The following CYLC2 variants were observed in gnomAD, a reference collection of about 807,000 sequenced individuals.
The protein encoded by CYLC2 is cylicin 2.
A neutral mutation model predicts 26.1 loss-of-function variants in CYLC2; 30 were observed. The ratio of observed to expected loss-of-function variants is 1.15; its 90% CI spans 0.86 to 1.56. The LOEUF (loss-of-function observed/expected upper bound fraction) is 1.56, where lower values mean the gene tolerates loss of function less well. CYLC2 is among the 40% of genes most tolerant of loss of function. CYLC2 has a pLI of 0.00. For missense variants in CYLC2, 498 were observed against 394.4 expected, an observed-to-expected ratio of 1.26 and a Z score of -2.23; for synonymous variants, 158 against 132.8, an observed-to-expected ratio of 1.19 and a Z score of -1.31.
chr9:103,005,893 G>T lies in CYLC2; in HGVS notation c.*215G>T, dbSNP rs1332030357. ...AAGAAAAATTAAGGGGGGATCCATTGAAAGACTTGAAGAATACATATACTT... is the reference window on the plus strand; with the variant it reads ...AAGAAAAATTAAGGGGGGATCCATTTAAAGACTTGAAGAATACATATACTT... On this transcript the variant is annotated 3_prime_UTR_variant, in exon 5 of 8. Coordinates refer to ENST00000374798, the MANE Select transcript of CYLC2 (RefSeq NM_001340.5). 9 of 515,564 alleles carry T rather than the reference G, an allele frequency of 1.7e-5. No individual in the cohort carries two copies. The highest frequency in any genetic ancestry group is 2.7e-5 in the Non-Finnish European group (8 of 296,822). The allele number at this position is 515,564 out of a possible 1,614,324, so 31.9% of individuals were successfully genotyped here.
intron 1 of CYLC2, among the ~76,000 whole-genome samples, chr9:102,995,930 T>C (rs1022299567): frequency 1.3e-5 from 2 of 151,854 alleles, no homozygotes; most frequent in African/African-American, 2.4e-5. Flanking sequence ...GTAAAGCATA[T>C]AATCCAGACA....
chr9:102,999,520 A>G (rs1299189012), intron 1 of CYLC2, among the ~76,000 whole-genome samples: 1 of 151,844 alleles, frequency 6.6e-6, no homozygotes, highest in East Asian at 1.9e-4. Context: ...GAATAGATAC[A>G]GTAGGTTTAT....
chr9:103,013,128 T>C (rs1188723016), intron 6 of CYLC2, among the ~76,000 whole-genome samples: 5 of 134,718 alleles, frequency 3.7e-5, no homozygotes, highest in African/African-American at 5.7e-5. Flanking sequence ...TATAAAAATA[T>C]ATATCATATA....
Position 103,002,364 on chromosome 9 carries a change from T to TCC in CYLC2, c.58+746_58+747insCC, listed in dbSNP as rs1564096852. On this transcript the variant is annotated intron_variant, in intron 2 of 7. Coordinates refer to ENST00000374798, the MANE Select transcript of CYLC2 (RefSeq NM_001340.5). Reference sequence around the variant, plus strand: ...GTGTATAGCATTTGCCCCCTTTTTTTTTTTTTTTTTTTTTTTTTTGAGACA... The same window carrying TCC: ...GTGTATAGCATTTGCCCCCTTTTTTTCCTTTTTTTTTTTTTTTTTTTGAGACA... Among the ~76,000 whole-genome samples the TCC allele has an allele frequency of 3.0e-4, 39 of 130,500 alleles. No individual in the cohort carries two copies. The South Asian group carries it at 3.6e-3, about 12-fold the overall frequency. The allele number at this position is 130,500 out of a possible 152,430, so 85.6% of individuals were successfully genotyped here. A position where few individuals can be genotyped will look rare whatever the true frequency, so the allele number is the denominator to read the frequency against.
At chr9:103,015,443 T>C (rs1395428304) in intron 6 of CYLC2, among the ~76,000 whole-genome samples, 2 of 137,650 alleles carry the variant, frequency 1.5e-5, no homozygotes, top group Admixed American at 7.9e-5. Flanking sequence ...TATATATCAT[T>C]AATATATATA....
chr9:103,016,008 A>G (rs1829501168), intron 6 of CYLC2, among the ~76,000 whole-genome samples: 1 of 150,388 alleles, frequency 6.6e-6, no homozygotes, highest in African/African-American at 2.4e-5. Context: ...ATATGTATCA[A>G]TTATCTATCT....
intron 1 of CYLC2, among the ~76,000 whole-genome samples, chr9:102,998,397 CAGTT>C (rs1244277227): frequency 6.6e-6 from 1 of 151,698 alleles, no homozygotes; most frequent in Non-Finnish European, 1.5e-5. Flanking sequence ...TTCAATAAGA[CAGTT>C]TGTAAGTTTC....
intron 6 of CYLC2, among the ~76,000 whole-genome samples, chr9:103,014,575 G>T (rs1162024355): frequency 2.1e-5 from 3 of 142,182 alleles, no homozygotes; most frequent in African/African-American, 7.6e-5. Flanking sequence ...TGTATATTAT[G>T]CAGTATACAT....
chr9:103,017,744 G>C (rs563503157), intron 7 of CYLC2, among the ~76,000 whole-genome samples: 2 of 151,936 alleles, frequency 1.3e-5, no homozygotes, highest in African/African-American at 4.8e-5. Flanking sequence ...AGACGGGGTA[G>C]CTTAAATAAT....
chr9:103,000,188 T>C (rs2118225773), intron 1 of CYLC2, among the ~76,000 whole-genome samples: 1 of 152,062 alleles, frequency 6.6e-6, no homozygotes, highest in South Asian at 2.1e-4. Flanking sequence ...TTCATTGTGA[T>C]CTCTTTTGGA....
At chr9:103,007,157 T>C (rs1829360471) in intron 5 of CYLC2, among the ~76,000 whole-genome samples, 1 of 152,166 alleles carries the variant, frequency 6.6e-6, no homozygotes, top group South Asian at 2.1e-4. Flanking sequence ...TTATGAAGTT[T>C]GGACTTTCTC....
At chr9:103,013,676 T>C (rs1271537152) in intron 6 of CYLC2, among the ~76,000 whole-genome samples, 1 of 111,094 alleles carries the variant, frequency 9.0e-6, no homozygotes, top group South Asian at 2.9e-4. Context: ...TTAAATAATA[T>C]ATATGATATA....
chr9:103,012,424 T>C (rs562167144), intron 6 of CYLC2, among the ~76,000 whole-genome samples: 31 of 152,202 alleles, frequency 2.0e-4, no homozygotes, highest in African/African-American at 7.0e-4. Context: ...TTTGAACATA[T>C]TGAATATGGT....
At chr9:103,014,579 T>TATACATCATATGTATATTACGCAG (rs1829470540) in intron 6 of CYLC2, among the ~76,000 whole-genome samples, 1 of 144,322 alleles carries the variant, frequency 6.9e-6, no homozygotes, top group African/African-American at 2.5e-5. Flanking sequence ...TATTATGCAG[T>TATACATCATATGTATATTACGCAG]ATACATCATA....
chr9:102,995,384 T>C lies in CYLC2; in HGVS notation c.4T>C (p.Ser2Pro). The C allele has an allele frequency of 6.2e-7, 1 of 1,605,142 alleles. No individual in the cohort carries two copies. The highest frequency in any genetic ancestry group is 8.5e-7 in the Non-Finnish European group (1 of 1,172,538). Reference sequence around the variant, plus strand: ...TGGCAAGTCATAAGTGGGGAAAATGTCTCTCCCAAGATTGTAAGTCAAATT... The same window carrying C: ...TGGCAAGTCATAAGTGGGGAAAATGCCTCTCCCAAGATTGTAAGTCAAATT... M[S>P]LPRFQRVNFG... Residue 2 changes from serine (S) to proline (P), a missense_variant, in exon 1 of 8, where the codon TCT becomes CCT. By Grantham distance (74) the Ser-to-Pro change is moderately conservative. Transcript: ENST00000374798.
chr9:103,010,663 A>C (rs977505633), intron 5 of CYLC2: 1 of 152,094 alleles, frequency 6.6e-6, no homozygotes, highest in Non-Finnish European at 1.5e-5. Context: ...ATGTATAGTT[A>C]TGTTAAAATT....
intron 6 of CYLC2, among the ~76,000 whole-genome samples, chr9:103,015,278 T>C (rs1401357521): frequency 2.6e-5 from 3 of 115,420 alleles, no homozygotes; most frequent in South Asian, 2.5e-4. Context: ...TATATTTATA[T>C]ATTATATAAT....
At chr9:103,013,466 A>C (rs1829441083) in intron 6 of CYLC2, among the ~76,000 whole-genome samples, 1 of 109,338 alleles carries the variant, frequency 9.1e-6, no homozygotes, top group Non-Finnish European at 1.6e-5. Flanking sequence ...TCTATTATAT[A>C]TTATATAAAT....
Position 103,005,635 on chromosome 9 carries a change from C to CAAAGAAGGATGA in CYLC2, c.1016_1027dup (p.Glu339_Asp342dup). ...GCAAAGAAGGATGCAAAGAAGAATG[C>CAAAGAAGGATGA]AAAGAAGGATGAAAAGAAGGATGCA... On this transcript the variant is annotated inframe_insertion, in exon 5 of 8. Coordinates refer to ENST00000374798, the MANE Select transcript of CYLC2 (RefSeq NM_001340.5). 1 of 1,610,998 alleles carries CAAAGAAGGATGA rather than the reference C, an allele frequency of 6.2e-7. No homozygotes were observed. The highest frequency in any genetic ancestry group is 2.2e-5 in the East Asian group (1 of 44,782).
Sources: gnomAD v4.1 joint callset for allele counts (sites outside exome capture counted in the v4.1 genomes callset) on GRCh38, gnomAD v4.1.1 for gene constraint, MANE v1.5 for transcripts, NCBI Gene and HGNC (gene_info 2026-07-23, HGNC 2026-07-21) for gene names.